SLC26A9: variants seen among roughly 807,000 people sequenced by gnomAD.
SLC26A9 encodes the protein solute carrier family 26 member 9.
SLC26A9 carries 46 observed loss-of-function variants against 87.1 expected under a neutral mutation model. The ratio of observed to expected loss-of-function variants is 0.53; its 90% CI spans 0.42 to 0.67. The LOEUF (loss-of-function observed/expected upper bound fraction) is 0.67. SLC26A9 is among the 30% of genes least tolerant of loss of function. The pLI, the probability that SLC26A9 is intolerant of heterozygous loss-of-function variation, is 0.00. For missense variants in SLC26A9, 927 were observed against 1,018.3 expected, an observed-to-expected ratio of 0.91 and a Z score of 1.22; for synonymous variants, 437 against 409.1, an observed-to-expected ratio of 1.07 and a Z score of -0.82.
chr1:205,923,766 A>C (rs550548939), intron 13 of SLC26A9, among the ~76,000 whole-genome samples, 153 bp from the exon 14 acceptor site: 5 of 152,298 alleles, frequency 3.3e-5, no homozygotes, highest in African/African-American at 1.2e-4. Context: ...CACTGGAGAC[A>C]CATGTCTGGT....
At chr1:205,941,469 C>A (rs777241495) in intron 1 of SLC26A9, among the ~76,000 whole-genome samples, 1 of 152,166 alleles carries the variant, frequency 6.6e-6, no homozygotes, top group Non-Finnish European at 1.5e-5. Flanking sequence ...CTGCGCCCAG[C>A]CCCCCAAGGC....
At position 205,914,720 on chromosome 1, in the gene SLC26A9, G is replaced by T; in HGVS notation, c.*637C>A. On this transcript the variant is annotated 3_prime_UTR_variant, in exon 21 of 21. Transcript: ENST00000367135. ...GTCCAGGCTAGAGTCTGATGTGCTT[G>T]CTGACAGCAGTGGTGGTTTGGGCAG... 1 of 757,720 alleles carries T rather than the reference G, an allele frequency of 1.3e-6. No homozygotes were observed. Among genetic ancestry groups the T allele is most frequent in the East Asian group, 2.7e-5 (1 of 37,528 alleles). 46.9% of individuals were successfully genotyped at this position (757,720 alleles called of 1,614,324 possible).
At chr1:205,939,875 G>C (rs921243788) in intron 1 of SLC26A9, among the ~76,000 whole-genome samples, 1 of 152,182 alleles carries the variant, frequency 6.6e-6, no homozygotes, top group Non-Finnish European at 1.5e-5. Flanking sequence ...GGAAAAAAAA[G>C]TCAAGTGCCC....
rs558712668 is a variant in SLC26A9, at chr1:205,928,146, G to A, written c.954-97C>T. Reference sequence around the variant, plus strand: ...CCACAGGGACCAGCCAGGCCCCCATGGTGTGCCGGGATCTTTGCCTAAGTT... The same window carrying A: ...CCACAGGGACCAGCCAGGCCCCCATAGTGTGCCGGGATCTTTGCCTAAGTT... On this transcript the variant is annotated intron_variant, in intron 8 of 20. Transcript: ENST00000367135. 206 of 1,425,414 alleles carry A rather than the reference G, an allele frequency of 1.4e-4. No individual in the cohort carries two copies. In the African/African-American group the frequency reaches 2.6e-3, roughly 18 times the overall value. The allele number at this position is 1,425,414 out of a possible 1,614,324, so 88.3% of individuals were successfully genotyped here.
intron 5 of SLC26A9, among the ~76,000 whole-genome samples, chr1:205,930,774 T>C (rs1659271944): frequency 1.3e-5 from 2 of 152,198 alleles, no homozygotes; most frequent in African/African-American, 4.8e-5. Context: ...CTGTTCCTTC[T>C]GCCTGGACCA....
intron 2 of SLC26A9, among the ~76,000 whole-genome samples, chr1:205,934,015 C>T (rs1289527885): frequency 1.3e-5 from 2 of 152,154 alleles, no homozygotes; most frequent in Admixed American, 6.5e-5. Flanking sequence ...ATACTTAGGG[C>T]CCATTTGGTG....
chr1:205,926,690 C>A (rs545519634), intron 11 of SLC26A9, 60 bp from the exon 12 acceptor site: 1 of 1,409,078 alleles, frequency 7.1e-7, no homozygotes, highest in East Asian at 2.3e-5. Context: ...TGCCCTCCTG[C>A]GCATACCCGA....
intron 1 of SLC26A9, among the ~76,000 whole-genome samples, chr1:205,938,874 G>A (rs1015790332): frequency 1.3e-5 from 2 of 152,208 alleles, no homozygotes; most frequent in East Asian, 1.9e-4. Context: ...GGAGGAAAGC[G>A]GCAGGGGTGG....
At chr1:205,919,554 G>A (rs1658735150) in intron 18 of SLC26A9, among the ~76,000 whole-genome samples, 1 of 152,168 alleles carries the variant, frequency 6.6e-6, no homozygotes, top group African/African-American at 2.4e-5. Flanking sequence ...CCCAGTGCAG[G>A]GAGCTGGGTG....
intron 19 of SLC26A9, among the ~76,000 whole-genome samples, chr1:205,918,104 A>C (rs9438401): frequency 6.6e-6 from 1 of 152,052 alleles, no homozygotes; most frequent in African/African-American, 2.4e-5. Context: ...AGGGCCAGAA[A>C]AGCCTTTCTT....
Position 205,932,031 on chromosome 1 carries a change from G to A in SLC26A9, c.381C>T (p.Thr127=), listed in dbSNP as rs369156421. 11 of 1,613,968 alleles carry A rather than the reference G, an allele frequency of 6.8e-6. No homozygotes were observed. Among genetic ancestry groups the A allele is most frequent in the South Asian group, 1.1e-5 (1 of 91,062 alleles). The change falls in exon 5 of 21, where the codon ACC becomes ACT. Residue 127 remains threonine, a synonymous_variant. Coordinates refer to ENST00000367135, the MANE Select transcript of SLC26A9 (RefSeq NM_052934.4). ...CCACCAGGATGCTGATAACGGCAAA[G>A]GTACCTGTGGTGCCCCACCCAGCCA... ...LGGVHQMVPG[T]FAVISILVGN...
intron 1 of SLC26A9, among the ~76,000 whole-genome samples, chr1:205,936,867 A>G (rs1229310798): frequency 6.6e-6 from 1 of 152,170 alleles, no homozygotes; most frequent in Non-Finnish European, 1.5e-5. Context: ...CCTGGGTGAC[A>G]GGGGAGGTTG....
chr1:205,926,605 A>G lies in SLC26A9; in HGVS notation c.1319T>C (p.Val440Ala), dbSNP rs1424801550. Residue 440 changes from valine to alanine, a missense_variant, in exon 12 of 21, where the codon GTC (valine) becomes GCC (alanine). By Grantham distance (64) the Val-to-Ala change is moderately conservative. Transcript: ENST00000367135. The stretch of plus-strand genomic sequence containing the variant: ...TTGCTTGAGGGAGTTCTTGAGATTG[A>G]CAGCGATCAGGGCTCCTAGCACAGA... The part of the protein sequence containing the change: ...PKSVLGALIA[V>A]NLKNSLKQLT... 1.2e-6 allele frequency: 2 copies of G among 1,613,974 alleles called. No homozygotes were observed. The highest frequency in any genetic ancestry group is 2.7e-5 in the African/African-American group (2 of 74,898).
At chr1:205,916,166 G>A (rs182254261) in intron 20 of SLC26A9, among the ~76,000 whole-genome samples, 10 of 152,234 alleles carry the variant, frequency 6.6e-5, no homozygotes, top group Admixed American at 2.6e-4. Context: ...GCACGATCTC[G>A]GCTCACTGCA....
intron 2 of SLC26A9, among the ~76,000 whole-genome samples, chr1:205,934,662 T>A (rs924944946): frequency 6.6e-6 from 1 of 152,216 alleles, no homozygotes; most frequent in South Asian, 2.1e-4. Context: ...TAGGAATTGT[T>A]AGTTTGCTAT....
In SLC26A9 at chr1:205,923,086, G is replaced by A. The variant is rs749065400; in HGVS notation, c.1769C>T (p.Thr590Ile). The A allele has an allele frequency of 1.8e-5, 29 of 1,613,764 alleles. No homozygotes were observed. Among genetic ancestry groups the A allele is most frequent in the Non-Finnish European group, 2.3e-5 (27 of 1,179,890 alleles). ...TQQRRSLFMKTKTVSLQELQQ... is the reference protein window; with the variant it reads ...TQQRRSLFMKIKTVSLQELQQ... ...CTGCTTCTGGCCTTCATTCACCTTG[G>A]TTTTCATGAATAGAGACCTCCTCTG... Residue 590 changes from threonine (T) to isoleucine (I), a missense_variant, in exon 16 of 21, where the codon ACC becomes ATC. Coordinates refer to ENST00000367135, the MANE Select transcript of SLC26A9 (RefSeq NM_052934.4).
chr1:205,935,861 G>A (rs1659489805), intron 1 of SLC26A9, 23 bp from the exon 2 acceptor site: 3 of 1,600,082 alleles, frequency 1.9e-6, no homozygotes, highest in African/African-American at 2.7e-5. Context: ...CAGAGGAGGG[G>A]AGGGTGAGGG....
At position 205,928,981 on chromosome 1, in the gene SLC26A9, C is replaced by T. The variant is rs1157770959; in HGVS notation, c.871-72G>A. On this transcript the variant is annotated intron_variant, in intron 7 of 20. Transcript: ENST00000367135. The stretch of plus-strand genomic sequence containing the variant: ...CAGGGCAGGCGTCTCTCTCAAGTCT[C>T]CCTTTTCTCTGGGGACCCTGAATCC... 4 of 1,572,640 alleles carry T rather than the reference C, an allele frequency of 2.5e-6. No homozygotes were observed. The African/African-American group carries it at 5.4e-5, about 21-fold the overall frequency.
rs1239225810 is a variant in SLC26A9, at chr1:205,923,343, T to C, written c.1651A>G (p.Ile551Val). 2.5e-6 allele frequency: 4 copies of C among 1,614,186 alleles called. No homozygotes were observed. Among genetic ancestry groups the C allele is most frequent in the South Asian group, 2.2e-5 (2 of 91,086 alleles). Residue 551 changes from isoleucine to valine, a missense_variant, in exon 15 of 21, where the codon ATC becomes GTC. Transcript: ENST00000367135. ...ANSEIFRQKV[I>V]AKTGMDPQKV... Reference sequence around the variant, plus strand: ...CAGGGACTGAGCCTTACCTTGGCGATGACCTTTTGCCTGAAGATCTCTGAG... The same window carrying C: ...CAGGGACTGAGCCTTACCTTGGCGACGACCTTTTGCCTGAAGATCTCTGAG...
Sources: gnomAD v4.1 joint callset for allele counts (sites outside exome capture counted in the v4.1 genomes callset) on GRCh38, gnomAD v4.1.1 for gene constraint, MANE v1.5 for transcripts, NCBI Gene and HGNC (gene_info 2026-07-23, HGNC 2026-07-21) for gene names.